The following SLC8A1 variants were observed in gnomAD, a reference collection of about 807,000 sequenced individuals.
The protein encoded by SLC8A1 is sodium/calcium exchanger 1.
Under a neutral mutation model 68.3 loss-of-function variants are expected in SLC8A1, and 18 were observed. The ratio of observed to expected loss-of-function variants is 0.26; its 90% CI spans 0.18 to 0.39. The LOEUF is 0.39. Among genes scored for constraint, SLC8A1 ranks in the 10% least tolerant of loss-of-function variants. The pLI, the probability that SLC8A1 is intolerant of heterozygous loss-of-function variation, is 1.00. For synonymous variants in SLC8A1, 475 were observed against 415.5 expected, an observed-to-expected ratio of 1.14 and a Z score of -1.74; for missense variants, 985 against 1,156.7, an observed-to-expected ratio of 0.85 and a Z score of 2.15.
At chr2:40,208,709 C>G (rs1574075685) in intron 2 of SLC8A1, among the ~76,000 whole-genome samples, 1 of 152,264 alleles carries the variant, frequency 6.6e-6, no homozygotes, top group Non-Finnish European at 1.5e-5. Flanking sequence ...CCTTGGGGCT[C>G]TCAGCAGTCT....
intron 1 of SLC8A1, among the ~76,000 whole-genome samples, chr2:40,489,420 A>G (rs1408282556): frequency 6.6e-6 from 1 of 152,104 alleles, no homozygotes; most frequent in Non-Finnish European, 1.5e-5. Flanking sequence ...AGCAGGGTGC[A>G]AGGCAGAAAA....
intron 1 of SLC8A1, among the ~76,000 whole-genome samples, chr2:40,447,989 G>A (rs1182458525): frequency 6.6e-6 from 1 of 152,076 alleles, no homozygotes; most frequent in East Asian, 1.9e-4. Context: ...CTCTTGGCTG[G>A]GCAGATCAAA....
At chr2:40,328,469 T>G (rs1261500039) in intron 2 of SLC8A1, among the ~76,000 whole-genome samples, 1 of 151,980 alleles carries the variant, frequency 6.6e-6, no homozygotes, top group Non-Finnish European at 1.5e-5. Context: ...TGCAGTTTTC[T>G]CCTTCTTTAT....
intron 2 of SLC8A1, among the ~76,000 whole-genome samples, chr2:40,223,129 A>G (rs534247255): frequency 6.6e-5 from 10 of 152,344 alleles, no homozygotes; most frequent in African/African-American, 2.4e-4. Flanking sequence ...ATGCCCATCA[A>G]TGATAGACTG....
intron 2 of SLC8A1, among the ~76,000 whole-genome samples, chr2:40,294,569 G>C (rs1476493132): frequency 6.6e-6 from 1 of 152,128 alleles, no homozygotes. Context: ...GAGGGAGAGA[G>C]AGAGGGATAC....
At chr2:40,350,057 C>T (rs977425056) in intron 2 of SLC8A1, among the ~76,000 whole-genome samples, 2 of 152,110 alleles carry the variant, frequency 1.3e-5, no homozygotes, top group Admixed American at 6.6e-5. Context: ...ACAGCTTAGC[C>T]ACCCTTTTAT....
At chr2:40,492,089 A>G (rs1705352882) in intron 1 of SLC8A1, among the ~76,000 whole-genome samples, 1 of 152,106 alleles carries the variant, frequency 6.6e-6, no homozygotes, top group Non-Finnish European at 1.5e-5. Flanking sequence ...CCTGACTTCA[A>G]ACTATACTAC....
rs180861872 is a variant in SLC8A1, at chr2:40,180,984, A to T, written c.1809-3129T>A. ...TCTTTCTTTTTTTTTGTTGAGATGGAGTCTCACTCTTATTGCCCAGGCTGG... is the reference window on the plus strand; with the variant it reads ...TCTTTCTTTTTTTTTGTTGAGATGGTGTCTCACTCTTATTGCCCAGGCTGG... On this transcript the variant is annotated intron_variant, in intron 2 of 7. Coordinates refer to ENST00000406785, the Ensembl canonical transcript of SLC8A1. 2.3e-3 allele frequency among the ~76,000 whole-genome samples: 344 copies of T among 152,078 alleles called. 3 individuals are homozygous for T. Among genetic ancestry groups the T allele is most frequent in the African/African-American group, 8.1e-3 (336 of 41,440 alleles).
At chr2:40,276,916 A>G (rs1357938111) in intron 2 of SLC8A1, among the ~76,000 whole-genome samples, 1 of 152,216 alleles carries the variant, frequency 6.6e-6, no homozygotes, top group African/African-American at 2.4e-5. Context: ...ACCTTTTGTG[A>G]TGGTTCAACT....
chr2:40,312,223 G>T (rs555670763), intron 2 of SLC8A1, among the ~76,000 whole-genome samples: 1 of 152,214 alleles, frequency 6.6e-6, no homozygotes, highest in South Asian at 2.1e-4. Context: ...TACCTCATAG[G>T]AAAGCCCTAC....
At chr2:40,174,881 A>T in intron 3 of SLC8A1, 39 bp from the exon 5 acceptor site, 1 of 1,586,320 alleles carries the variant, frequency 6.3e-7, no homozygotes, top group Non-Finnish European at 8.7e-7. Context: ...TTATAATTTG[A>T]CACTCTACAT....
chr2:40,133,809 G>A (rs966794720), intron 7 of SLC8A1, among the ~76,000 whole-genome samples: 4 of 151,904 alleles, frequency 2.6e-5, no homozygotes, highest in African/African-American at 9.7e-5. Flanking sequence ...TGAAAGGAAA[G>A]TCCATATTTT....
At chr2:40,399,925 G>A (rs1206551909) in intron 2 of SLC8A1, among the ~76,000 whole-genome samples, 1 of 152,124 alleles carries the variant, frequency 6.6e-6, no homozygotes, top group East Asian at 1.9e-4. Flanking sequence ...CACACCCTGG[G>A]CCTGGTCGTT....
chr2:40,137,373 T>A (rs1165659240), intron 7 of SLC8A1, among the ~76,000 whole-genome samples: 2 of 152,204 alleles, frequency 1.3e-5, no homozygotes, highest in Non-Finnish European at 2.9e-5. Flanking sequence ...GATAAACTGC[T>A]GATTTTGGAC....
chr2:40,386,102 A>T (rs1336738084), intron 2 of SLC8A1, among the ~76,000 whole-genome samples: 1 of 151,398 alleles, frequency 6.6e-6, no homozygotes, highest in Non-Finnish European at 1.5e-5. Context: ...AGCATGGAGT[A>T]TGCTTACAAT....
At chr2:40,122,226 GTGTGCGCGCGCA>G (rs1572804688) in intron 7 of SLC8A1, among the ~76,000 whole-genome samples, 11 of 136,182 alleles carry the variant, frequency 8.1e-5, no homozygotes, top group South Asian at 7.1e-4. Context: ...ACACACACAC[GTGTGCGCGCGCA>G]CACACACACA....
chr2:40,342,141 A>G (rs1667893542), intron 2 of SLC8A1, among the ~76,000 whole-genome samples: 1 of 152,092 alleles, frequency 6.6e-6, no homozygotes, highest in African/African-American at 2.4e-5. Flanking sequence ...CCTGGTAGAG[A>G]TACAAATAAT....
chr2:40,215,170 A>G (rs565905804), intron 2 of SLC8A1, among the ~76,000 whole-genome samples: 8 of 152,114 alleles, frequency 5.3e-5, no homozygotes, highest in African/African-American at 1.9e-4. Context: ...TATTATTATT[A>G]ATATTATTAT....
At chr2:40,323,172 T>C (rs1575403142) in intron 2 of SLC8A1, among the ~76,000 whole-genome samples, 1 of 152,296 alleles carries the variant, frequency 6.6e-6, no homozygotes, top group East Asian at 1.9e-4. Context: ...AGTGTCTTTA[T>C]CATAGAAAAA....
Sources: allele counts gnomAD v4.1 joint callset (sites outside exome capture counted in the v4.1 genomes callset), GRCh38; gene constraint gnomAD v4.1.1; transcripts MANE v1.5; gene names NCBI Gene and HGNC (gene_info 2026-07-23, HGNC 2026-07-21).